Variants in THRB observed in about 807,000 individuals in gnomAD.
The protein encoded by THRB is nuclear receptor subfamily 1 group A member 2.
THRB carries 12 observed loss-of-function variants against 47.8 expected under a neutral mutation model. The ratio of observed to expected loss-of-function variants is 0.25; its 90% CI spans 0.16 to 0.41. The LOEUF is 0.41. Among genes scored for constraint, THRB ranks in the 10% least tolerant of loss-of-function variants. The pLI, the probability that THRB is intolerant of heterozygous loss-of-function variation, is 1.00. For synonymous variants in THRB, 218 were observed against 212.2 expected (o/e 1.03, Z -0.24); for missense variants, 348 against 589.2 (o/e 0.59, Z 4.24).
chr3:24,162,045 T>TAAATC (rs1344671431), intron 5 of THRB, among the ~76,000 whole-genome samples: 2 of 152,162 alleles, frequency 1.3e-5, no homozygotes, highest in African/African-American at 4.8e-5. Context: ...TGGTCCAGAC[T>TAAATC]AAATCGAGAG....
chr3:24,287,026 C>T (rs750932574), intron 3 of THRB, among the ~76,000 whole-genome samples: 5 of 152,162 alleles, frequency 3.3e-5, no homozygotes, highest in Non-Finnish European at 5.9e-5. Context: ...TTAACATTCA[C>T]AGATAGGTAC....
intron 1 of THRB, among the ~76,000 whole-genome samples, chr3:24,445,933 T>A (rs1560205101): frequency 2.0e-5 from 3 of 152,264 alleles, no homozygotes; most frequent in South Asian, 4.1e-4. Context: ...ATGAGAAAAT[T>A]TTCCTAGTCA....
chr3:24,355,669 GC>G (rs59685930), intron 1 of THRB, among the ~76,000 whole-genome samples: 2,031 of 152,228 alleles, frequency 0.013, 43 homozygotes, highest in African/African-American at 0.043. Flanking sequence ...TTCCTTCCTG[GC>G]TATACCAGAG....
chr3:24,280,608 A>C (rs935435948), intron 3 of THRB, among the ~76,000 whole-genome samples: 3 of 152,242 alleles, frequency 2.0e-5, no homozygotes, highest in African/African-American at 7.2e-5. Flanking sequence ...ACAAGCTGAG[A>C]GAAGAAGGCT....
intron 1 of THRB, among the ~76,000 whole-genome samples, chr3:24,470,659 C>A (rs1280400374): frequency 6.6e-6 from 1 of 152,206 alleles, no homozygotes; most frequent in African/African-American, 2.4e-5. Flanking sequence ...CTTCTTCTCC[C>A]AGGCTGGAGT....
chr3:24,135,834 T>C (rs1418189827), intron 8 of THRB, among the ~76,000 whole-genome samples: 1 of 117,432 alleles, frequency 8.5e-6, no homozygotes, highest in Non-Finnish European at 1.7e-5. Flanking sequence ...TATATATATA[T>C]ATATATATAT....
At chr3:24,380,292 A>G (rs2065604387) in intron 1 of THRB, among the ~76,000 whole-genome samples, 1 of 151,762 alleles carries the variant, frequency 6.6e-6, no homozygotes, top group African/African-American at 2.4e-5. Flanking sequence ...TCCAGGCTTT[A>G]TACTGCATTC....
chr3:24,474,604 T>C (rs764317229), intron 1 of THRB, among the ~76,000 whole-genome samples: 2 of 152,224 alleles, frequency 1.3e-5, no homozygotes, highest in Non-Finnish European at 2.9e-5. Flanking sequence ...AGGTTTCCTA[T>C]GTAAGGAAAA....
chr3:24,455,875 G>T (rs1241305064), intron 1 of THRB, among the ~76,000 whole-genome samples: 2 of 152,046 alleles, frequency 1.3e-5, no homozygotes, highest in Non-Finnish European at 2.9e-5. Context: ...GGAGAAGGTG[G>T]GGCTACTATT....
At chr3:24,376,908 C>T (rs1017376130) in intron 1 of THRB, among the ~76,000 whole-genome samples, 4 of 152,066 alleles carry the variant, frequency 2.6e-5, no homozygotes, top group African/African-American at 9.7e-5. Context: ...TGAATAGCTG[C>T]TGTTTCTGCC....
intron 1 of THRB, among the ~76,000 whole-genome samples, chr3:24,397,600 C>CT (rs11383377): frequency 0.98 from 134,998 of 138,310 alleles, 65,949 homozygotes; most frequent in Non-Finnish European, 0.99. Context: ...TTTAGCAAGT[C>CT]TTTTTTTTTT....
chr3:24,357,357 A>AAAC (rs2063745224), intron 1 of THRB, among the ~76,000 whole-genome samples: 1 of 137,824 alleles, frequency 7.3e-6, no homozygotes, highest in South Asian at 2.2e-4. Flanking sequence ...AAAAAAAAAA[A>AAAC]AAAAAAAAAA....
chr3:24,264,286 C>T (rs929907576), intron 3 of THRB, among the ~76,000 whole-genome samples: 1 of 152,118 alleles, frequency 6.6e-6, no homozygotes, highest in African/African-American at 2.4e-5. Flanking sequence ...CTTGAAAAGA[C>T]AAATTTCTAA....
intron 1 of THRB, among the ~76,000 whole-genome samples, chr3:24,340,400 TTCTCTCTCTC>T (rs145048631): frequency 1.3e-5 from 2 of 148,594 alleles, no homozygotes; most frequent in African/African-American, 4.9e-5. Context: ...CCACCTTCTT[TTCTCTCTCTC>T]TCTCTCTCTC....
At chr3:24,428,742 T>C (rs1464959476) in intron 1 of THRB, among the ~76,000 whole-genome samples, 1 of 151,986 alleles carries the variant, frequency 6.6e-6, no homozygotes, top group Admixed American at 6.6e-5. Context: ...AATGTTAGCA[T>C]TAGACAAAGA....
chr3:24,319,379 T>C (rs779670115), intron 2 of THRB, among the ~76,000 whole-genome samples: 1 of 152,118 alleles, frequency 6.6e-6, no homozygotes, highest in Non-Finnish European at 1.5e-5. Flanking sequence ...TCAATACTAC[T>C]CTGCAATAAA....
At chr3:24,382,992 C>T (rs2065826007) in intron 1 of THRB, among the ~76,000 whole-genome samples, 1 of 152,074 alleles carries the variant, frequency 6.6e-6, no homozygotes, top group Admixed American at 6.6e-5. Flanking sequence ...CGGAACATTC[C>T]CCTCTAGTCT....
chr3:24,320,814 A>G (rs1340951109), intron 2 of THRB, among the ~76,000 whole-genome samples: 4 of 152,254 alleles, frequency 2.6e-5, no homozygotes, highest in Non-Finnish European at 5.9e-5. Flanking sequence ...TTGCATTTGC[A>G]ATCTTGGACT....
chr3:24,253,033 C>T (rs1324081247), intron 3 of THRB, among the ~76,000 whole-genome samples: 13 of 150,980 alleles, frequency 8.6e-5, no homozygotes, highest in Admixed American at 8.6e-4. Flanking sequence ...TAAATGAATA[C>T]AATACAATAC....
Sources: gnomAD v4.1 joint callset for allele counts (sites outside exome capture counted in the v4.1 genomes callset) on GRCh38, gnomAD v4.1.1 for gene constraint, MANE v1.5 for transcripts, NCBI Gene and HGNC (gene_info 2026-07-23, HGNC 2026-07-21) for gene names.